The following NRDC variants were observed in gnomAD, a reference collection of about 807,000 sequenced individuals.
The protein encoded by NRDC is nardilysin.
NRDC carries 54 observed loss-of-function variants against 147.1 expected under a neutral mutation model. The ratio of observed to expected loss-of-function variants is 0.37; its 90% CI spans 0.29 to 0.46. NRDC has a LOEUF of 0.46. Ranked by LOEUF, NRDC falls within the 20% of genes least tolerant of loss-of-function variation. The probability of loss-of-function intolerance (pLI) is 1.00; values close to 1 mark genes in which losing one functional copy is unlikely to be tolerated. For missense variants in NRDC, 1,082 were observed against 1,370.6 expected (o/e 0.79, Z 3.33); for synonymous variants, 440 against 482.1 (o/e 0.91, Z 1.14).
chr1:51,878,420 G>A lies in NRDC; in HGVS notation c.196C>T (p.Gln66Ter). The change falls in exon 1 of 31, where the codon CAG (glutamine) becomes TAG (stop). Residue 66 changes from glutamine (Q) to a stop codon, truncating the protein, a stop_gained. Transcript: ENST00000352171. LOFTEE classifies it high-confidence loss of function. Reference protein sequence around the residue: ...AKSTCSCPDLQPNGQDLGENS... With the variant: ...AKSTCSCPDL ...TCGCCCAGATCCTGTCCATTGGGCT[G>A]CAGGTCAGGGCAGCTGCAGGTAGAC... 2 of 1,614,106 alleles carry A rather than the reference G, an allele frequency of 1.2e-6. No homozygotes were observed. The highest frequency in any genetic ancestry group is 1.7e-6 in the Non-Finnish European group (2 of 1,180,038).
At chr1:51,826,440 A>G (rs1056520621) in intron 5 of NRDC, among the ~76,000 whole-genome samples, 4 of 152,208 alleles carry the variant, frequency 2.6e-5, no homozygotes, top group Admixed American at 6.5e-5. Context: ...TGGAAAGGAA[A>G]CAAACATTAA....
At chr1:51,874,575 C>T (rs1683236858) in intron 1 of NRDC, among the ~76,000 whole-genome samples, 1 of 152,098 alleles carries the variant, frequency 6.6e-6, no homozygotes, top group South Asian at 2.1e-4. Context: ...CGCCACTGCA[C>T]TCCAGCCTGG....
intron 18 of NRDC, among the ~76,000 whole-genome samples, chr1:51,806,180 A>G (rs761774627): frequency 9.2e-5 from 14 of 152,164 alleles, no homozygotes; most frequent in Non-Finnish European, 1.6e-4. Context: ...TAAGGACTTT[A>G]GAGTCTACTT....
At chr1:51,791,276 C>G (rs1215671836) in intron 27 of NRDC, among the ~76,000 whole-genome samples, 1 of 152,164 alleles carries the variant, frequency 6.6e-6, no homozygotes, top group East Asian at 1.9e-4. Context: ...TAACAGGTTT[C>G]AGCAATGCCT....
At chr1:51,877,432 A>G (rs1205539136) in intron 1 of NRDC, among the ~76,000 whole-genome samples, 1 of 152,156 alleles carries the variant, frequency 6.6e-6, no homozygotes, top group East Asian at 1.9e-4. Flanking sequence ...AGGCCAAGAC[A>G]GGAGGATTCC....
At chr1:51,813,789 T>C (rs939902200) in intron 14 of NRDC, among the ~76,000 whole-genome samples, 1 of 152,214 alleles carries the variant, frequency 6.6e-6, no homozygotes, top group Non-Finnish European at 1.5e-5. Flanking sequence ...ACTATGTAGA[T>C]AAATGATTAC....
At chr1:51,803,057 A>C (rs1270691429) in intron 20 of NRDC, among the ~76,000 whole-genome samples, 1 of 152,190 alleles carries the variant, frequency 6.6e-6, no homozygotes, top group East Asian at 1.9e-4. Flanking sequence ...CCTGCTTCGG[A>C]AAGGTTCATA....
At position 51,878,472 on chromosome 1, in the gene NRDC, C is replaced by T; in HGVS notation, c.144G>A (p.Leu48=). Reference sequence around the variant, plus strand: ...TCGCCTTGTTCCTTCCAGGCATGGCCAGAATAGGAAAGGGTCTGGCAGCAG... The same window carrying T: ...TCGCCTTGTTCCTTCCAGGCATGGCTAGAATAGGAAAGGGTCTGGCAGCAG... The part of the protein sequence containing the change: ...DSAAARPFPI[L]AMPGRNKAKS... Residue 48 remains leucine, a synonymous_variant, in exon 1 of 31, where the codon CTG becomes CTA. Coordinates refer to ENST00000352171, the MANE Select transcript of NRDC (RefSeq NM_001101662.2). 6.2e-7 allele frequency: 1 copy of T among 1,613,996 alleles called. No individual in the cohort carries two copies. Among genetic ancestry groups the T allele is most frequent in the Non-Finnish European group, 8.5e-7 (1 of 1,180,038 alleles).
At chr1:51,850,632 C>T (rs1681902143) in intron 1 of NRDC, among the ~76,000 whole-genome samples, 1 of 152,190 alleles carries the variant, frequency 6.6e-6, no homozygotes. Flanking sequence ...ACGTTTGCTT[C>T]CCTACAGAAA....
At chr1:51,856,465 C>T (rs1009386392) in intron 1 of NRDC, among the ~76,000 whole-genome samples, 11 of 152,210 alleles carry the variant, frequency 7.2e-5, no homozygotes, top group African/African-American at 1.7e-4. Context: ...GGGGTTCCCA[C>T]GACCTCCTCT....
In NRDC at chr1:51,794,483, C is replaced by T; in HGVS notation, c.2764G>A (p.Val922Met). The T allele has an allele frequency of 6.2e-7, 1 of 1,614,168 alleles. No individual in the cohort carries two copies. Among genetic ancestry groups the T allele is most frequent in the Non-Finnish European group, 8.5e-7 (1 of 1,180,016 alleles). Residue 922 changes from valine (V) to methionine (M), a missense_variant, in exon 24 of 31, where the codon GTG becomes ATG. This residue lies in a region of NRDC where 635 missense variants were observed against 923.8 expected (regional missense o/e 0.69). Transcript: ENST00000352171. ...NKGDANSEVT[V>M]YYQSGTRSLR... ...TACACCCAACTGACCTGGTAGTACA[C>T]AGTGACTTCAGAGTTGGCATCACCC...
intron 14 of NRDC, 47 bp from the exon 15 acceptor site, chr1:51,812,145 A>AT: frequency 7.6e-7 from 1 of 1,307,980 alleles, no homozygotes; most frequent in Non-Finnish European, 1.1e-6. Flanking sequence ...CCATTATTAT[A>AT]TTTGATTTAC....
At chr1:51,843,005 C>T (rs926974630) in intron 1 of NRDC, among the ~76,000 whole-genome samples, 3 of 139,390 alleles carry the variant, frequency 2.2e-5, no homozygotes, top group Non-Finnish European at 3.0e-5. Context: ...TGGAAGTTGC[C>T]GTGAGCCACG....
intron 2 of NRDC, among the ~76,000 whole-genome samples, chr1:51,838,841 T>C (rs1681111219): frequency 6.6e-6 from 1 of 152,174 alleles, no homozygotes; most frequent in South Asian, 2.1e-4. Context: ...ATAGAGACCT[T>C]AGCATACAGA....
intron 1 of NRDC, among the ~76,000 whole-genome samples, chr1:51,863,647 GA>G (rs1222063732): frequency 6.6e-6 from 1 of 152,110 alleles, no homozygotes; most frequent in African/African-American, 2.4e-5. Context: ...CAACCACAAA[GA>G]AACTTCCATA....
At chr1:51,873,877 C>T (rs1270569589) in intron 1 of NRDC, among the ~76,000 whole-genome samples, 2 of 151,878 alleles carry the variant, frequency 1.3e-5, no homozygotes, top group East Asian at 3.9e-4. Context: ...ATTAGAAGGA[C>T]TTGCCCTTCA....
chr1:51,870,171 T>C (rs1401075303), intron 1 of NRDC, among the ~76,000 whole-genome samples: 1 of 152,244 alleles, frequency 6.6e-6, no homozygotes, highest in African/African-American at 2.4e-5. Flanking sequence ...GAACCTAAAA[T>C]GTACTGGACC....
rs1433792985 is a variant in NRDC, at chr1:51,836,560, A to AT, written c.631-349dup. On this transcript the variant is annotated intron_variant, in intron 2 of 30. Transcript: ENST00000352171. Reference sequence around the variant, plus strand: ...CCAAGTTTTTTCCCTGAATTACTAGATTTTGGAAATCTGCGGAAGTAACAT... The same window carrying AT: ...CCAAGTTTTTTCCCTGAATTACTAGATTTTTGGAAATCTGCGGAAGTAACAT... 6.4e-6 allele frequency: 5 copies of AT among 786,166 alleles called. No homozygotes were observed. The East Asian group carries it at 1.3e-4, about 21-fold the overall frequency. The allele number at this position is 786,166 out of a possible 1,614,324, so 48.7% of individuals were successfully genotyped here.
rs759506370 is a variant in NRDC at position 51,878,449 on chromosome 1, G to A, written c.167C>T (p.Ala56Val). ...PILAMPGRNK[A>V]KSTCSCPDLQ... ...GTCAGGGCAGCTGCAGGTAGACTTC[G>A]CCTTGTTCCTTCCAGGCATGGCCAG... is the stretch of plus-strand genomic sequence containing the variant. The change falls in exon 1 of 31, where the codon GCG (alanine) becomes GTG (valine). Residue 56 changes from alanine (A) to valine (V), a missense_variant. Physicochemically the swap from Ala to Val is moderately conservative, Grantham distance 64. Coordinates refer to ENST00000352171, the MANE Select transcript of NRDC (RefSeq NM_001101662.2). 6.2e-7 allele frequency: 1 copy of A among 1,614,004 alleles called. No homozygotes were observed. The highest frequency in any genetic ancestry group is 8.5e-7 in the Non-Finnish European group (1 of 1,180,038).
Sources: allele counts gnomAD v4.1 joint callset (sites outside exome capture counted in the v4.1 genomes callset), GRCh38; gene constraint gnomAD v4.1.1; regional missense constraint gnomAD v4.1.1; transcripts MANE v1.5; gene names NCBI Gene and HGNC (gene_info 2026-07-23, HGNC 2026-07-21).